Variants in TOPAZ1 observed in about 807,000 individuals in gnomAD.
TOPAZ1 encodes the protein protein TOPAZ1.
In TOPAZ1, 66 loss-of-function variants were observed where a neutral mutation model predicts 172.2. That is an observed-to-expected ratio of 0.38 (90% CI 0.31 to 0.47). The LOEUF (loss-of-function observed/expected upper bound fraction) is 0.47. Ranked by LOEUF, TOPAZ1 falls within the 20% of genes least tolerant of loss-of-function variation. The probability of loss-of-function intolerance (pLI) is 0.99; values close to 1 mark genes in which losing one functional copy is unlikely to be tolerated. For synonymous variants in TOPAZ1, 681 were observed against 683.9 expected, an observed-to-expected ratio of 1.00 and a Z score of 0.07; for missense variants, 1,822 against 1,972.4, an observed-to-expected ratio of 0.92 and a Z score of 1.44.
At chr3:44,333,259 T>A (rs145737783), downstream of TOPAZ1, among the ~76,000 whole-genome samples, 143 of 152,232 alleles carry the variant, frequency 9.4e-4, 2 homozygotes, top group African/African-American at 3.4e-3. Context: ...ATCGATGAAA[T>A]GTAGAACGAA....
In TOPAZ1 at chr3:44,321,052, T is replaced by C. The variant is rs1225351949; in HGVS notation, c.4332T>C (p.Pro1444=). The C allele has an allele frequency of 1.9e-6, 3 of 1,549,052 alleles. No homozygotes were observed. The highest frequency in any genetic ancestry group is 2.7e-5 in the African/African-American group (2 of 72,940). ...MRESEWIINT[P]LWPCDRLDVL... ...AGTCAGAGTGGATAATCAATACGCC[T>C]CTGTGGCCTTGTGATAGACTGGATG... Residue 1444 remains proline, a synonymous_variant, in exon 17 of 20, where the codon CCT becomes CCC. Coordinates refer to ENST00000309765, the MANE Select transcript of TOPAZ1 (RefSeq NM_001145030.2).
chr3:44,251,412 A>G (rs1699629009), intron 2 of TOPAZ1, among the ~76,000 whole-genome samples: 1 of 152,190 alleles, frequency 6.6e-6, no homozygotes, highest in Non-Finnish European at 1.5e-5. Flanking sequence ...GTGAGCCACT[A>G]TGCTAAGCCC....
chr3:44,243,294 A>T lies in TOPAZ1; in HGVS notation c.788A>T (p.Glu263Val). The T allele has an allele frequency of 1.3e-6, 2 of 1,551,586 alleles. No individual in the cohort carries two copies. Among genetic ancestry groups the T allele is most frequent in the East Asian group, 4.9e-5 (2 of 40,900 alleles). Residue 263 changes from glutamate to valine, a missense_variant, in exon 2 of 20, where the codon GAA (glutamate) becomes GTA (valine). Glu to Val is a moderately radical substitution (Grantham distance 121, BLOSUM62 -2). Coordinates refer to ENST00000309765, the MANE Select transcript of TOPAZ1 (RefSeq NM_001145030.2). ...GTAGCAGAAAATTTCTCAAAGAAAG[A>T]AAACCTTAGGAGTCTTGCAGAGAAG... is the stretch of plus-strand genomic sequence containing the variant. ...MHVAENFSKK[E>V]NLRSLAEKSD...
chr3:44,317,021 T>C (rs1468323235), intron 16 of TOPAZ1, among the ~76,000 whole-genome samples: 1 of 152,214 alleles, frequency 6.6e-6, no homozygotes, highest in Non-Finnish European at 1.5e-5. Flanking sequence ...CTCACTCCTC[T>C]TCTAAATTAT....
At chr3:44,316,817 C>A (rs1438586868) in intron 16 of TOPAZ1, among the ~76,000 whole-genome samples, 2 of 152,118 alleles carry the variant, frequency 1.3e-5, no homozygotes, top group African/African-American at 4.8e-5. Flanking sequence ...CCCATTTCAT[C>A]CTTTACTCAC....
At chr3:44,299,799 G>A (rs989072841) in intron 12 of TOPAZ1, among the ~76,000 whole-genome samples, 2 of 149,388 alleles carry the variant, frequency 1.3e-5, no homozygotes, top group African/African-American at 4.9e-5. Flanking sequence ...CATGTCCTTT[G>A]TAGGGACATG....
At position 44,315,350 on chromosome 3, in the gene TOPAZ1, G is replaced by A. The variant is rs536644903; in HGVS notation, c.4306+5360G>A. Among the ~76,000 whole-genome samples the A allele has an allele frequency of 1.1e-4, 17 of 151,850 alleles. No homozygotes were observed. In the South Asian group the frequency reaches 3.3e-3, roughly 30 times the overall value. ...TAAGAAAAATCATTTCAGAAAAAAC[G>A]TGTTGTCTTCATTTTCTTTCTCTTT... is the stretch of plus-strand genomic sequence containing the variant. On this transcript the variant is annotated intron_variant, in intron 16 of 19. Transcript: ENST00000309765.
At chr3:44,246,366 A>G (rs1699566984) in intron 2 of TOPAZ1, among the ~76,000 whole-genome samples, 1 of 152,228 alleles carries the variant, frequency 6.6e-6, no homozygotes, top group South Asian at 2.1e-4. Flanking sequence ...GAATAGACTC[A>G]AAGAAAAATG....
At position 44,244,945 on chromosome 3, in the gene TOPAZ1, G is replaced by A; in HGVS notation, c.2439G>A (p.Gly813=). The A allele has an allele frequency of 6.4e-7, 1 of 1,551,704 alleles. No homozygotes were observed. Among genetic ancestry groups the A allele is most frequent in the South Asian group, 1.2e-5 (1 of 84,056 alleles). ...VENNAFSCDP[G]YVEKSPSFCC... is the part of the protein sequence containing the mutation. The stretch of plus-strand genomic sequence containing the variant: ...ATAATGCTTTTTCTTGTGATCCTGG[G>A]TATGTAGAGAAAAGTCCTTCCTTCT... Residue 813 remains glycine (G), a synonymous_variant, in exon 2 of 20, where the codon GGG becomes GGA. Coordinates refer to ENST00000309765, the MANE Select transcript of TOPAZ1 (RefSeq NM_001145030.2).
At chr3:44,289,666 A>C (rs527741992) in intron 11 of TOPAZ1, among the ~76,000 whole-genome samples, 1 of 152,142 alleles carries the variant, frequency 6.6e-6, no homozygotes, top group Non-Finnish European at 1.5e-5. Context: ...AAGAAATTCT[A>C]TCTCAAAATA....
chr3:44,331,690 G>A, intron 19 of TOPAZ1, 102 bp from the exon 20 acceptor site: 2 of 922,708 alleles, frequency 2.2e-6, no homozygotes, highest in Non-Finnish European at 3.3e-6. Context: ...ATGGTGAGAA[G>A]ACTATCATAG....
chr3:44,333,947 A>G (rs895423516), downstream of TOPAZ1, among the ~76,000 whole-genome samples: 1 of 152,230 alleles, frequency 6.6e-6, no homozygotes, highest in Non-Finnish European at 1.5e-5. Context: ...GCAGGAGCTT[A>G]AGGGTAATTT....
At chr3:44,252,455 G>A (rs1284044368) in intron 2 of TOPAZ1, among the ~76,000 whole-genome samples, 2 of 152,226 alleles carry the variant, frequency 1.3e-5, no homozygotes, top group Admixed American at 6.5e-5. Context: ...TCAGCCACGT[G>A]GGGGTAGTCT....
At chr3:44,287,125 T>C (rs1464281195) in intron 9 of TOPAZ1, among the ~76,000 whole-genome samples, 2 of 152,174 alleles carry the variant, frequency 1.3e-5, no homozygotes. Context: ...CTATGATGTA[T>C]GGGAATGGCA....
intron 15 of TOPAZ1, among the ~76,000 whole-genome samples, chr3:44,308,094 T>A (rs1390881150): frequency 1.3e-5 from 2 of 152,056 alleles, no homozygotes; most frequent in Non-Finnish European, 2.9e-5. Context: ...GCCAACATGG[T>A]GAAACCCCAT....
chr3:44,328,146 A>T, intron 18 of TOPAZ1, 104 bp from the exon 19 acceptor site: 1 of 633,626 alleles, frequency 1.6e-6, no homozygotes, highest in Non-Finnish European at 2.5e-6. Flanking sequence ...TTCTAATGTG[A>T]AGACTTATTC....
rs374090540 is a variant in TOPAZ1 at position 44,310,243 on chromosome 3, T to A, written c.4306+253T>A. ...GGCCGGGTGTGGTGACTCATGCCTG[T>A]AATCCCAGCACTTTGGGAGGCCAAG... On this transcript the variant is annotated intron_variant, in intron 16 of 19. Coordinates refer to ENST00000309765, the MANE Select transcript of TOPAZ1 (RefSeq NM_001145030.2). 2.6e-3 allele frequency among the ~76,000 whole-genome samples: 394 copies of A among 152,350 alleles called. 5 individuals are homozygous for A. The highest frequency in any genetic ancestry group is 9.2e-3 in the African/African-American group (381 of 41,582).
intron 10 of TOPAZ1, 82 bp downstream of exon 10, chr3:44,287,622 A>G: frequency 8.7e-7 from 1 of 1,145,854 alleles, no homozygotes; most frequent in Non-Finnish European, 1.2e-6. Flanking sequence ...TTAGCAGTTG[A>G]ATTTCTGTAT....
At chr3:44,298,406 C>T (rs755533139) in intron 12 of TOPAZ1, among the ~76,000 whole-genome samples, 1 of 152,026 alleles carries the variant, frequency 6.6e-6, no homozygotes, top group Non-Finnish European at 1.5e-5. Context: ...TGCAATGAGC[C>T]GTGATTGCAC....
Sources: allele counts gnomAD v4.1 joint callset (sites outside exome capture counted in the v4.1 genomes callset), GRCh38; gene constraint gnomAD v4.1.1; transcripts MANE v1.5; gene names NCBI Gene and HGNC (gene_info 2026-07-23, HGNC 2026-07-21).